The following MYRFL variants were observed in gnomAD, a reference collection of about 807,000 sequenced individuals.
MYRFL encodes myelin regulatory factor-like protein.
Under a neutral mutation model 109.4 loss-of-function variants are expected in MYRFL, and 88 were observed. That is an observed-to-expected ratio of 0.80 (90% CI 0.68 to 0.96). The LOEUF (loss-of-function observed/expected upper bound fraction) is 0.96. MYRFL is among the 40% of genes least tolerant of loss of function. The pLI is 0.00. For synonymous variants in MYRFL, 324 were observed against 320.9 expected (o/e 1.01, Z -0.10); for missense variants, 957 against 954.9 (o/e 1.00, Z -0.03).
At chr12:69,894,429 T>C (rs541989170) in intron 8 of MYRFL, among the ~76,000 whole-genome samples, 1 of 152,266 alleles carries the variant, frequency 6.6e-6, no homozygotes, top group African/African-American at 2.4e-5. Context: ...ATTTTCATAT[T>C]GTTTATTGCT....
At chr12:69,899,296 G>A (rs1290246191) in intron 10 of MYRFL, among the ~76,000 whole-genome samples, 2 of 152,124 alleles carry the variant, frequency 1.3e-5, no homozygotes, top group Non-Finnish European at 2.9e-5. Context: ...CAGACTTTTT[G>A]GTTTATTTAA....
intron 5 of MYRFL, 30 bp from the exon 6 acceptor site, chr12:69,886,790 G>A (rs1886480959): frequency 6.5e-7 from 1 of 1,534,516 alleles, no homozygotes; most frequent in Admixed American, 2.0e-5. Context: ...AGCCTGGAAG[G>A]AAGGCTCTGA....
chr12:69,853,154 C>A (rs546442173), intron 1 of MYRFL, among the ~76,000 whole-genome samples: 1 of 151,440 alleles, frequency 6.6e-6, no homozygotes, highest in Admixed American at 6.6e-5. Flanking sequence ...ACTTCCCAGA[C>A]GGGGCGGCTA....
intron 13 of MYRFL, among the ~76,000 whole-genome samples, chr12:69,923,564 A>T (rs1388754812): frequency 2.0e-5 from 3 of 152,164 alleles, no homozygotes; most frequent in Non-Finnish European, 4.4e-5. Context: ...TTATAGCACT[A>T]TTAACTATGT....
intron 1 of MYRFL, among the ~76,000 whole-genome samples, chr12:69,832,945 TGTGTG>T (rs1396390539): frequency 0.013 from 3 of 228 alleles, no homozygotes; most frequent in Admixed American, 0.17. Flanking sequence ...GGAACAGGCT[TGTGTG>T]TGTGTGTGTG....
At chr12:69,879,553 T>A (rs1268200657) in intron 4 of MYRFL, 100 bp downstream of exon 4, 1 of 608,538 alleles carries the variant, frequency 1.6e-6, no homozygotes, top group Non-Finnish European at 2.9e-6. Context: ...TGGAGTCCTG[T>A]CCAGGAGATG....
intron 10 of MYRFL, among the ~76,000 whole-genome samples, chr12:69,900,986 C>T (rs1954164341): frequency 6.6e-6 from 1 of 152,104 alleles, no homozygotes; most frequent in Non-Finnish European, 1.5e-5. Flanking sequence ...GCAAACTGTT[C>T]ATGCACACAT....
intron 16 of MYRFL, 35 bp from the exon 17 acceptor site, chr12:69,936,078 G>GTTTTTTTTTTTTTTTTTTTTTTT: frequency 5.6e-6 from 5 of 891,622 alleles, no homozygotes; most frequent in East Asian, 6.0e-5. Flanking sequence ...GCCACATAAT[G>GTTTTTTTTTTTTTTTTTTTTTTT]TTTTTTTTTT....
chr12:69,860,858 T>C (rs900432761), intron 2 of MYRFL, among the ~76,000 whole-genome samples: 1 of 144,004 alleles, frequency 6.9e-6, no homozygotes, highest in African/African-American at 2.5e-5. Flanking sequence ...TCATTTAGCA[T>C]TAGGTATATC....
Position 69,958,955 on chromosome 12 carries a change from G to T in MYRFL, c.*424G>T, listed in dbSNP as rs1054993137. On this transcript the variant is annotated 3_prime_UTR_variant, in exon 25 of 25. Transcript: ENST00000552032. ...ATAGACTCTTGAGAATGTGTGATAT[G>T]GTATGTGGAGGAGATGTGGGGGGTG... 1.2e-5 allele frequency: 2 copies of T among 173,408 alleles called. No individual in the cohort carries two copies. The highest frequency in any genetic ancestry group is 2.4e-5 in the Non-Finnish European group (2 of 82,322). The allele number at this position is 173,408 out of a possible 1,614,324, so 10.7% of individuals were successfully genotyped here. A position where few individuals can be genotyped will look rare whatever the true frequency, so the allele number is the denominator to read the frequency against.
chr12:69,922,586 T>A (rs529115669), intron 13 of MYRFL, among the ~76,000 whole-genome samples: 78 of 152,298 alleles, frequency 5.1e-4, no homozygotes, highest in African/African-American at 1.9e-3. Context: ...CCAGCGACCC[T>A]CTTCCACCAA....
chr12:69,845,684 G>GA (rs1437480076), intron 1 of MYRFL, among the ~76,000 whole-genome samples: 1 of 147,476 alleles, frequency 6.8e-6, no homozygotes. Context: ...ACTGTACCTG[G>GA]AAAAAACCCA....
chr12:69,832,944 TTG>T (rs57702116), intron 1 of MYRFL, among the ~76,000 whole-genome samples: 4,382 of 143,686 alleles, frequency 0.03, 89 homozygotes, highest in South Asian at 0.086. Context: ...AGGAACAGGC[TTG>T]TGTGTGTGTG....
chr12:69,921,118 C>T (rs926999289), intron 13 of MYRFL, among the ~76,000 whole-genome samples: 1 of 152,136 alleles, frequency 6.6e-6, no homozygotes, highest in Non-Finnish European at 1.5e-5. Flanking sequence ...TAATTGGGTT[C>T]AATTACAAAA....
intron 2 of MYRFL, among the ~76,000 whole-genome samples, chr12:69,872,908 GT>G (rs1386696445): frequency 6.6e-6 from 1 of 152,118 alleles, no homozygotes; most frequent in African/African-American, 2.4e-5. Context: ...CTGGAATTAG[GT>G]GAGCTACCGT....
chr12:69,951,204 C>T (rs180793350), intron 19 of MYRFL, among the ~76,000 whole-genome samples: 20 of 152,216 alleles, frequency 1.3e-4, no homozygotes, highest in Admixed American at 9.8e-4. Context: ...TCCACTTTGC[C>T]GTCGTAACAG....
In MYRFL at chr12:69,866,966, T is replaced by C. The variant is rs116958500; in HGVS notation, c.137+11596T>C. Among the ~76,000 whole-genome samples the C allele has an allele frequency of 5.2e-4, 79 of 152,380 alleles. No individual in the cohort carries two copies. In the East Asian group the frequency reaches 0.014, roughly 26 times the overall value. ...TAGGTAAGAGAAACGGAATGAAGTG[T>C]TCCTCAAACTTATTTGGCCGTGGGC... On this transcript the variant is annotated intron_variant, in intron 2 of 24. Transcript: ENST00000552032.
intron 2 of MYRFL, among the ~76,000 whole-genome samples, chr12:69,860,129 T>G (rs940166076): frequency 6.6e-6 from 1 of 152,014 alleles, no homozygotes; most frequent in African/African-American, 2.4e-5. Flanking sequence ...CAGGCTCCAG[T>G]GTATGTTGTT....
chr12:69,863,913 G>A (rs1884849542), intron 2 of MYRFL, among the ~76,000 whole-genome samples: 1 of 152,108 alleles, frequency 6.6e-6, no homozygotes, highest in Non-Finnish European at 1.5e-5. Flanking sequence ...CATTTTTGCT[G>A]AATATGAAAT....
Sources: gnomAD v4.1 joint callset for allele counts (sites outside exome capture counted in the v4.1 genomes callset) on GRCh38, gnomAD v4.1.1 for gene constraint, MANE v1.5 for transcripts, NCBI Gene and HGNC (gene_info 2026-07-23, HGNC 2026-07-21) for gene names.